Variants in WNT2 observed in about 807,000 individuals in gnomAD.
The protein encoded by WNT2 is protein Wnt-2.
WNT2 carries 12 observed loss-of-function variants against 36.9 expected under a neutral mutation model. The observed-to-expected ratio is 0.33, with a 90% CI of 0.21 to 0.53. The LOEUF (loss-of-function observed/expected upper bound fraction) is 0.53, where lower values mean the gene tolerates loss of function less well. Ranked by LOEUF, WNT2 falls within the 20% of genes least tolerant of loss-of-function variation. The probability of loss-of-function intolerance (pLI) is 0.95; values close to 1 mark genes in which losing one functional copy is unlikely to be tolerated. For synonymous variants in WNT2, 163 were observed against 174.6 expected, an observed-to-expected ratio of 0.93 and a Z score of 0.52; for missense variants, 379 against 473.1, an observed-to-expected ratio of 0.80 and a Z score of 1.84.
At chr7:117,296,104 G>A (rs1375799903) in intron 4 of WNT2, among the ~76,000 whole-genome samples, 3 of 152,310 alleles carry the variant, frequency 2.0e-5, no homozygotes, top group Non-Finnish European at 2.9e-5. Flanking sequence ...GGAGGCTGAG[G>A]TTAAACAGCT....
chr7:117,283,414 T>C (rs933368597), intron 4 of WNT2, among the ~76,000 whole-genome samples: 3 of 152,260 alleles, frequency 2.0e-5, no homozygotes, highest in Admixed American at 1.3e-4. Context: ...GAATTCTTTA[T>C]CTGCCGTAGG....
chr7:117,315,783 A>G (rs1795203699), intron 2 of WNT2, among the ~76,000 whole-genome samples: 1 of 152,220 alleles, frequency 6.6e-6, no homozygotes, highest in East Asian at 1.9e-4. Flanking sequence ...ATGACACCAC[A>G]GCTTTCCTCA....
intron 3 of WNT2, among the ~76,000 whole-genome samples, chr7:117,303,303 C>T (rs1368147780): frequency 4.6e-5 from 7 of 152,140 alleles, no homozygotes; most frequent in East Asian, 3.8e-4. Flanking sequence ...TTTCTAAGAA[C>T]GGGGAAATCG....
chr7:117,314,494 A>G (rs146632971), intron 3 of WNT2, among the ~76,000 whole-genome samples: 3 of 152,300 alleles, frequency 2.0e-5, no homozygotes, highest in African/African-American at 7.2e-5. Context: ...CTAGAGGAGA[A>G]GGGGCCAGAA....
chr7:117,313,786 T>C lies in WNT2; in HGVS notation c.588+1285A>G, dbSNP rs373667805. ...ACAGTAATTACCAATAGTTGTAGGA[T>C]TGCACAACCATAGTCTATTTTCTTG... On this transcript the variant is annotated intron_variant, in intron 3 of 4. Coordinates refer to ENST00000265441, the MANE Select transcript of WNT2 (RefSeq NM_003391.3). Among the ~76,000 whole-genome samples, 12 of 152,342 alleles carry C rather than the reference T, an allele frequency of 7.9e-5. No homozygotes were observed. In the East Asian group the frequency reaches 1.3e-3, roughly 17 times the overall value.
At chr7:117,290,212 A>G (rs1018468652) in intron 4 of WNT2, among the ~76,000 whole-genome samples, 11 of 152,226 alleles carry the variant, frequency 7.2e-5, no homozygotes, top group Admixed American at 2.0e-4. Flanking sequence ...GGGAGAAAGT[A>G]CAGAGAGAGA....
chr7:117,316,783 A>G (rs1161886902), intron 2 of WNT2, among the ~76,000 whole-genome samples: 1 of 152,200 alleles, frequency 6.6e-6, no homozygotes, highest in Non-Finnish European at 1.5e-5. Context: ...TTATATGACT[A>G]TTCGCCATAG....
chr7:117,320,476 C>T, intron 2 of WNT2, 91 bp downstream of exon 2: 1 of 1,266,226 alleles, frequency 7.9e-7, no homozygotes, highest in Non-Finnish European at 1.1e-6. Context: ...GAATAAAATG[C>T]AATAGAAGAT....
At chr7:117,281,707 G>A (rs1255691076) in intron 4 of WNT2, among the ~76,000 whole-genome samples, 2 of 152,072 alleles carry the variant, frequency 1.3e-5, no homozygotes, top group African/African-American at 4.8e-5. Flanking sequence ...ATTGCGTGAA[G>A]AAACAAGCAG....
chr7:117,320,460 C>T, intron 2 of WNT2, 107 bp downstream of exon 2: 1 of 1,159,880 alleles, frequency 8.6e-7, no homozygotes, highest in Non-Finnish European at 1.2e-6. Context: ...GAACAAACTT[C>T]TGATGGAATA....
intron 3 of WNT2, among the ~76,000 whole-genome samples, chr7:117,314,395 C>T (rs373637720): frequency 2.6e-4 from 39 of 152,300 alleles, no homozygotes; most frequent in African/African-American, 9.1e-4. Flanking sequence ...TCCTTGTGAC[C>T]TTGAGTACCT....
chr7:117,292,820 T>C (rs544057870), intron 4 of WNT2, among the ~76,000 whole-genome samples: 1 of 152,338 alleles, frequency 6.6e-6, no homozygotes, highest in East Asian at 1.9e-4. Flanking sequence ...TTTAGAGTTA[T>C]CTAGTTTTCC....
intron 2 of WNT2, among the ~76,000 whole-genome samples, chr7:117,319,524 G>C (rs39313): frequency 1.6e-3 from 116 of 71,966 alleles, no homozygotes; most frequent in South Asian, 4.8e-3. Flanking sequence ...TTAGGAATTG[G>C]GGGGGGGGGT....
chr7:117,320,625 G>T lies in WNT2; in HGVS notation c.252C>A (p.Arg84=). ...CCCTGTCCAGGGTGTTGCAATTCCA[G>T]CGGTGCTGGCGGAACTGGTGCTGGC... ...AECQHQFRQH[R]WNCNTLDRDH... is the part of the protein sequence containing the mutation. The change falls in exon 2 of 5, where the codon CGC becomes CGA. Residue 84 remains arginine, a synonymous_variant. Coordinates refer to ENST00000265441, the MANE Select transcript of WNT2 (RefSeq NM_003391.3). 6.2e-7 allele frequency: 1 copy of T among 1,614,040 alleles called. No homozygotes were observed.
intron 4 of WNT2, among the ~76,000 whole-genome samples, chr7:117,288,520 T>A (rs1794627692): frequency 6.6e-6 from 1 of 152,216 alleles, no homozygotes; most frequent in African/African-American, 2.4e-5. Flanking sequence ...GTAAGCAAAT[T>A]TGTTATTTTA....
chr7:117,311,908 T>G (rs1795128889), intron 3 of WNT2, among the ~76,000 whole-genome samples: 1 of 152,194 alleles, frequency 6.6e-6, no homozygotes, highest in African/African-American at 2.4e-5. Context: ...CAAAGGTGCA[T>G]CTGATTTGAA....
chr7:117,291,806 T>C (rs1794694257), intron 4 of WNT2, among the ~76,000 whole-genome samples: 1 of 152,176 alleles, frequency 6.6e-6, no homozygotes, highest in Non-Finnish European at 1.5e-5. Context: ...AGACAGAGTT[T>C]CACTCTTGCT....
chr7:117,308,681 G>T (rs1419009107), intron 3 of WNT2, among the ~76,000 whole-genome samples: 1 of 152,182 alleles, frequency 6.6e-6, no homozygotes, highest in Non-Finnish European at 1.5e-5. Context: ...CCACAAAGAT[G>T]CTCAAGATTG....
intron 4 of WNT2, among the ~76,000 whole-genome samples, chr7:117,285,337 T>C (rs1371728835): frequency 6.6e-6 from 1 of 152,246 alleles, no homozygotes; most frequent in Non-Finnish European, 1.5e-5. Flanking sequence ...CCAAATTATG[T>C]GTGCCCTCAA....
Sources: gnomAD v4.1 joint callset for allele counts (sites outside exome capture counted in the v4.1 genomes callset) on GRCh38, gnomAD v4.1.1 for gene constraint, MANE v1.5 for transcripts, NCBI Gene and HGNC (gene_info 2026-07-23, HGNC 2026-07-21) for gene names.